SLC44A5: variants seen among roughly 807,000 people sequenced by gnomAD.
The protein encoded by SLC44A5 is solute carrier family 44 member 5.
SLC44A5 carries 57 observed loss-of-function variants against 101.8 expected under a neutral mutation model. The ratio of observed to expected loss-of-function variants is 0.56; its 90% CI spans 0.45 to 0.70. SLC44A5 has a LOEUF of 0.70. SLC44A5 is among the 30% of genes least tolerant of loss of function. The probability of loss-of-function intolerance (pLI) is 0.00; values close to 1 mark genes in which losing one functional copy is unlikely to be tolerated. For missense variants in SLC44A5, 737 were observed against 853.1 expected (o/e 0.86, Z 1.70); for synonymous variants, 281 against 290.9 (o/e 0.97, Z 0.35).
At chr1:75,402,983 A>T (rs986306654) in intron 2 of SLC44A5, among the ~76,000 whole-genome samples, 4 of 152,186 alleles carry the variant, frequency 2.6e-5, no homozygotes, top group African/African-American at 9.7e-5. Context: ...GTCTGAAGTC[A>T]ACCTGGGACA....
At chr1:75,602,802 T>C (rs767085577) in intron 1 of SLC44A5, among the ~76,000 whole-genome samples, 2 of 152,142 alleles carry the variant, frequency 1.3e-5, no homozygotes, top group Non-Finnish European at 2.9e-5. Flanking sequence ...GTAAGTAGCT[T>C]TTACCTTTTT....
intron 4 of SLC44A5, among the ~76,000 whole-genome samples, chr1:75,323,984 A>T (rs959784517): frequency 7.2e-5 from 11 of 152,226 alleles, no homozygotes; most frequent in African/African-American, 1.9e-4. Context: ...CCTACTGTGC[A>T]CAATGAATAG....
chr1:75,717,855 T>C, the SLC44A5 span, among the ~76,000 whole-genome samples: 1 of 152,224 alleles, frequency 6.6e-6, no homozygotes, highest in Non-Finnish European at 1.5e-5. Context: ...GCCAATTTTC[T>C]GTATTTGCCC....
At chr1:75,698,580 C>A in the SLC44A5 span, among the ~76,000 whole-genome samples, 1 of 152,200 alleles carries the variant, frequency 6.6e-6, no homozygotes, top group Non-Finnish European at 1.5e-5. Context: ...ACTGGAAACT[C>A]TAAAAAGCAG....
At chr1:75,696,209 G>A in the SLC44A5 span, among the ~76,000 whole-genome samples, 2 of 152,106 alleles carry the variant, frequency 1.3e-5, no homozygotes, top group African/African-American at 2.4e-5. Flanking sequence ...GCTTATTGTT[G>A]TGGCATACGG....
chr1:75,361,004 TG>T (rs976356436), intron 3 of SLC44A5, among the ~76,000 whole-genome samples: 1 of 152,182 alleles, frequency 6.6e-6, no homozygotes, highest in African/African-American at 2.4e-5. Context: ...TTACAGTTTT[TG>T]GTATACAAAT....
chr1:75,319,645 T>C (rs1655988691), intron 4 of SLC44A5, among the ~76,000 whole-genome samples: 3 of 152,208 alleles, frequency 2.0e-5, no homozygotes, highest in Admixed American at 2.0e-4. Flanking sequence ...ATTTCTGCCT[T>C]TCTACTATCA....
At chr1:75,710,562 T>TAAAAAAAAAAAAAAAA in the SLC44A5 span, 2 of 52,302 alleles carry the variant, frequency 3.8e-5, no homozygotes, top group African/African-American at 8.8e-5. Context: ...AGACCCTACC[T>TAAAAAAAAAAAAAAAA]AAAAAAAAAA....
At chr1:75,641,346 T>A in the SLC44A5 span, 1 of 731,484 alleles carries the variant, frequency 1.4e-6, no homozygotes, top group Non-Finnish European at 2.4e-6. Context: ...AGGAATCTCT[T>A]AACATTAGTA....
intron 11 of SLC44A5, among the ~76,000 whole-genome samples, chr1:75,234,801 C>A (rs755840076): frequency 6.6e-6 from 1 of 152,008 alleles, no homozygotes; most frequent in Non-Finnish European, 1.5e-5. Flanking sequence ...GCTTTAATTT[C>A]TTCTTAGAGC....
At chr1:75,558,791 A>G (rs772285623) in intron 1 of SLC44A5, among the ~76,000 whole-genome samples, 3 of 152,168 alleles carry the variant, frequency 2.0e-5, no homozygotes, top group Non-Finnish European at 4.4e-5. Context: ...TCATTCAAAG[A>G]GAAGGAAAGT....
chr1:75,630,333 T>C, the SLC44A5 span, among the ~76,000 whole-genome samples: 2 of 152,148 alleles, frequency 1.3e-5, no homozygotes, highest in Non-Finnish European at 2.9e-5. Flanking sequence ...ATCATTTCCA[T>C]AGGGTCCTTA....
At chr1:75,669,761 A>C in the SLC44A5 span, among the ~76,000 whole-genome samples, 1 of 152,168 alleles carries the variant, frequency 6.6e-6, no homozygotes, top group African/African-American at 2.4e-5. Context: ...ATTTAAATAA[A>C]TAAAATACTT....
chr1:75,358,145 AAT>A (rs1342530441), intron 3 of SLC44A5, among the ~76,000 whole-genome samples: 1 of 152,180 alleles, frequency 6.6e-6, no homozygotes, highest in African/African-American at 2.4e-5. Flanking sequence ...ACTAAATAAA[AAT>A]ATAAAGAGAA....
At chr1:75,430,744 A>G (rs1452920776) in intron 2 of SLC44A5, among the ~76,000 whole-genome samples, 1 of 152,208 alleles carries the variant, frequency 6.6e-6, no homozygotes, top group African/African-American at 2.4e-5. Flanking sequence ...TTTAACCAGC[A>G]CATCAGGAAA....
chr1:75,285,237 C>T (rs940564555), intron 5 of SLC44A5, among the ~76,000 whole-genome samples: 1 of 152,012 alleles, frequency 6.6e-6, no homozygotes, highest in African/African-American at 2.4e-5. Flanking sequence ...TTGTATATTT[C>T]CAGGAATTTA....
intron 3 of SLC44A5, among the ~76,000 whole-genome samples, chr1:75,374,448 A>G (rs1660434266): frequency 6.6e-6 from 1 of 152,202 alleles, no homozygotes; most frequent in Admixed American, 6.5e-5. Flanking sequence ...TGGAGAAGGT[A>G]GCCCACCAAA....
chr1:75,320,876 T>C (rs1042479219), intron 4 of SLC44A5, among the ~76,000 whole-genome samples: 6 of 152,126 alleles, frequency 3.9e-5, no homozygotes, highest in African/African-American at 1.4e-4. Flanking sequence ...GGTAAAAGGT[T>C]GAAGCAGCAC....
chr1:75,424,261 C>G (rs1664177067), intron 2 of SLC44A5, among the ~76,000 whole-genome samples: 1 of 152,158 alleles, frequency 6.6e-6, no homozygotes, highest in Non-Finnish European at 1.5e-5. Flanking sequence ...TGAGCTTCCT[C>G]TCCAAGTTTT....
Sources: allele counts gnomAD v4.1 joint callset (sites outside exome capture counted in the v4.1 genomes callset), GRCh38; gene constraint gnomAD v4.1.1; transcripts MANE v1.5; gene names NCBI Gene and HGNC (gene_info 2026-07-23, HGNC 2026-07-21).